MGAT4C: variants seen among roughly 807,000 people sequenced by gnomAD.
The protein encoded by MGAT4C is alpha-1,3-mannosyl-glycoprotein 4-beta-N-acetylglucosaminyltransferase C.
Under a neutral mutation model 40.1 loss-of-function variants are expected in MGAT4C, and 19 were observed. That is an observed-to-expected ratio of 0.47 (90% CI 0.33 to 0.70). The LOEUF is 0.70. Ranked by LOEUF, MGAT4C falls within the 30% of genes least tolerant of loss-of-function variation. MGAT4C has a pLI of 0.02. For missense variants in MGAT4C, 491 were observed against 563.2 expected (o/e 0.87, Z 1.30); for synonymous variants, 181 against 187.1 (o/e 0.97, Z 0.27).
intron 2 of MGAT4C, among the ~76,000 whole-genome samples, chr12:86,590,124 A>T (rs1280857472): frequency 6.6e-6 from 1 of 151,800 alleles, no homozygotes; most frequent in East Asian, 1.9e-4. Flanking sequence ...AAAACAAAAC[A>T]GTAAAAACAG....
intron 1 of MGAT4C, among the ~76,000 whole-genome samples, chr12:86,169,066 C>G (rs1886506715): frequency 6.6e-6 from 1 of 152,094 alleles, no homozygotes; most frequent in Admixed American, 6.6e-5. Flanking sequence ...TTGATAAATT[C>G]AGGCGCCAGA....
intron 2 of MGAT4C, among the ~76,000 whole-genome samples, chr12:86,629,357 T>G (rs1962943826): frequency 6.6e-6 from 1 of 152,074 alleles, no homozygotes; most frequent in Non-Finnish European, 1.5e-5. Flanking sequence ...GACAGAAGGT[T>G]AACAAGGATA....
chr12:86,213,732 T>C (rs1950569087), intron 1 of MGAT4C, among the ~76,000 whole-genome samples: 1 of 152,258 alleles, frequency 6.6e-6, no homozygotes, highest in Non-Finnish European at 1.5e-5. Flanking sequence ...GCATAGCATA[T>C]GCTAACAAAG....
chr12:86,673,638 A>G (rs554347238), intron 2 of MGAT4C, among the ~76,000 whole-genome samples: 1 of 152,282 alleles, frequency 6.6e-6, no homozygotes, highest in East Asian at 1.9e-4. Context: ...GCTTTAGATA[A>G]ACTTTAACAC....
At chr12:86,460,290 A>G (rs759656783) in intron 2 of MGAT4C, among the ~76,000 whole-genome samples, 3 of 152,240 alleles carry the variant, frequency 2.0e-5, no homozygotes, top group Non-Finnish European at 2.9e-5. Flanking sequence ...GAGAAGTCAC[A>G]GCAGATGATT....
intron 1 of MGAT4C, among the ~76,000 whole-genome samples, chr12:86,205,365 T>A (rs562228915): frequency 6.6e-6 from 1 of 151,464 alleles, no homozygotes; most frequent in South Asian, 2.1e-4. Flanking sequence ...AGTGATTTTG[T>A]CACATTTAAA....
chr12:86,091,884 C>A (rs1007771468), intron 1 of MGAT4C, among the ~76,000 whole-genome samples: 1 of 151,940 alleles, frequency 6.6e-6, no homozygotes, highest in African/African-American at 2.4e-5. Flanking sequence ...GGAAAGCTAC[C>A]CTTCCCTTTA....
chr12:86,045,555 A>G (rs906337269), intron 2 of MGAT4C, among the ~76,000 whole-genome samples: 5 of 152,214 alleles, frequency 3.3e-5, no homozygotes, highest in African/African-American at 1.2e-4. Flanking sequence ...TTCTGTTAGA[A>G]AAAGAAAACA....
At chr12:86,160,281 T>C (rs555674898) in intron 1 of MGAT4C, among the ~76,000 whole-genome samples, 2 of 152,224 alleles carry the variant, frequency 1.3e-5, no homozygotes, top group Middle Eastern at 6.8e-3. Context: ...TCTGCCTTAA[T>C]TTCAATGTTT....
At chr12:86,715,622 C>A (rs186357156) in intron 2 of MGAT4C, among the ~76,000 whole-genome samples, 15 of 152,240 alleles carry the variant, frequency 9.9e-5, no homozygotes, top group Admixed American at 9.2e-4. Context: ...GCAAAGCTGA[C>A]AGATTTCTAC....
chr12:86,143,457 AAC>A (rs1388739042), intron 1 of MGAT4C, among the ~76,000 whole-genome samples: 1 of 152,176 alleles, frequency 6.6e-6, no homozygotes, highest in Non-Finnish European at 1.5e-5. Flanking sequence ...ACTCATAAAC[AAC>A]AGTCTATGAC....
chr12:86,351,672 T>C (rs1289616282), intron 3 of MGAT4C, among the ~76,000 whole-genome samples: 1 of 152,064 alleles, frequency 6.6e-6, no homozygotes, highest in African/African-American at 2.4e-5. Context: ...TACATTGACA[T>C]GTTCAGTTTA....
intron 4 of MGAT4C, among the ~76,000 whole-genome samples, chr12:86,270,057 A>ATGTTT (rs1030619696): frequency 8.6e-5 from 13 of 151,144 alleles, no homozygotes; most frequent in South Asian, 2.1e-4. Flanking sequence ...TTGTTTTGTT[A>ATGTTT]TGTTTTGTTT....
intron 1 of MGAT4C, among the ~76,000 whole-genome samples, chr12:86,728,225 AT>A (rs1950855125): frequency 6.6e-6 from 1 of 152,192 alleles, no homozygotes; most frequent in African/African-American, 2.4e-5. Flanking sequence ...ATGAACATAG[AT>A]TTTAAAATGT....
intron 1 of MGAT4C, among the ~76,000 whole-genome samples, chr12:86,837,446 C>T (rs758698567): frequency 5.3e-5 from 8 of 151,966 alleles, no homozygotes; most frequent in Admixed American, 3.9e-4. Context: ...AATTAGAATA[C>T]ACTTAACAAG....
intron 3 of MGAT4C, among the ~76,000 whole-genome samples, chr12:86,358,855 T>C (rs1955381976): frequency 6.6e-6 from 1 of 152,174 alleles, no homozygotes; most frequent in South Asian, 2.1e-4. Flanking sequence ...CAAAGAGACT[T>C]GGACTCCCAC....
At chr12:86,769,782 G>A (rs904612084) in intron 1 of MGAT4C, among the ~76,000 whole-genome samples, 2 of 151,928 alleles carry the variant, frequency 1.3e-5, no homozygotes, top group African/African-American at 4.8e-5. Context: ...ACCAAACACC[G>A]CATGTTCTCA....
intron 2 of MGAT4C, among the ~76,000 whole-genome samples, chr12:86,708,894 A>G (rs1422854314): frequency 1.3e-5 from 2 of 152,180 alleles, no homozygotes; most frequent in African/African-American, 4.8e-5. Context: ...TTACTGGCTC[A>G]TAGGCAGAAG....
Position 86,008,692 on chromosome 12 carries a change from G to A in MGAT4C, c.-6-19140C>T, listed in dbSNP as rs182650167. On this transcript the variant is annotated intron_variant, in intron 2 of 4. Transcript: ENST00000611864. ...CTTTTGTGCTTTGTTATGATGTTAGGAAGAAAGCGTTAAGTATTTCAATGT... is the reference window on the plus strand; with the variant it reads ...CTTTTGTGCTTTGTTATGATGTTAGAAAGAAAGCGTTAAGTATTTCAATGT... Among the ~76,000 whole-genome samples, 903 of 152,192 alleles carry A rather than the reference G, an allele frequency of 5.9e-3. 6 individuals are homozygous for A. Among genetic ancestry groups the A allele is most frequent in the Admixed American group, 0.013 (205 of 15,290 alleles).
Sources: gnomAD v4.1 joint callset for allele counts (sites outside exome capture counted in the v4.1 genomes callset) on GRCh38, gnomAD v4.1.1 for gene constraint, MANE v1.5 for transcripts, NCBI Gene and HGNC (gene_info 2026-07-23, HGNC 2026-07-21) for gene names.